The following FBXL17 variants were observed in gnomAD, a reference collection of about 807,000 sequenced individuals.
FBXL17 encodes the protein F-box and leucine rich repeat protein 17.
FBXL17 carries 22 observed loss-of-function variants against 66.2 expected under a neutral mutation model. The ratio of observed to expected loss-of-function variants is 0.33; its 90% confidence interval spans 0.24 to 0.47. The LOEUF is 0.47. Ranked by LOEUF, FBXL17 falls within the 20% of genes least tolerant of loss-of-function variation. The probability of loss-of-function intolerance (pLI) is 1.00; values close to 1 mark genes in which losing one functional copy is unlikely to be tolerated. For missense variants in FBXL17, 878 were observed against 948.2 expected, an observed-to-expected ratio of 0.93 and a Z score of 0.97; for synonymous variants, 474 against 400.5, an observed-to-expected ratio of 1.18 and a Z score of -2.19.
chr5:107,883,950 G>C (rs1192137282), intron 7 of FBXL17, among the ~76,000 whole-genome samples: 1 of 152,178 alleles, frequency 6.6e-6, no homozygotes, highest in East Asian at 1.9e-4. Context: ...CAGCATGTGT[G>C]AAAGTAGAGA....
At chr5:108,039,784 C>A (rs1273925735) in intron 6 of FBXL17, among the ~76,000 whole-genome samples, 1 of 151,980 alleles carries the variant, frequency 6.6e-6, no homozygotes, top group African/African-American at 2.4e-5. Flanking sequence ...CTTAATAAGA[C>A]ATATTTTGTT....
intron 7 of FBXL17, among the ~76,000 whole-genome samples, chr5:107,967,645 C>T (rs566740681): frequency 4.3e-4 from 64 of 150,292 alleles, no homozygotes; most frequent in African/African-American, 1.5e-3. Flanking sequence ...CAAACCTGCA[C>T]ATTATGCACA....
intron 4 of FBXL17, among the ~76,000 whole-genome samples, chr5:108,341,796 T>C (rs972247636): frequency 1.3e-5 from 2 of 152,150 alleles, no homozygotes; most frequent in Non-Finnish European, 2.9e-5. Flanking sequence ...GCATTCCCCA[T>C]ATTTTTCTGA....
chr5:107,967,926 A>G (rs1013857922), intron 7 of FBXL17, among the ~76,000 whole-genome samples: 1 of 152,158 alleles, frequency 6.6e-6, no homozygotes, highest in Non-Finnish European at 1.5e-5. Context: ...ATCTGCTTCA[A>G]TGATAAACTG....
chr5:108,020,947 C>T lies in FBXL17; in HGVS notation c.1800G>A (p.Val600=), dbSNP rs1359566667. The change falls in exon 7 of 9, where the codon GTG becomes GTA. Residue 600 remains valine, a synonymous_variant. Transcript: ENST00000542267. ...TACCATAATCTGTGATTTTACAGGA[C>T]ACCAAATATAGCTCTTTCAGGTTTT... ...EGQNLKELYL[V]SCKITDYALI... 6.2e-7 allele frequency: 1 copy of T among 1,609,858 alleles called. No individual in the cohort carries two copies. The highest frequency in any genetic ancestry group is 8.5e-7 in the Non-Finnish European group (1 of 1,176,822).
chr5:108,008,649 T>C (rs1388456474), intron 7 of FBXL17, among the ~76,000 whole-genome samples: 1 of 152,154 alleles, frequency 6.6e-6, no homozygotes, highest in East Asian at 1.9e-4. Context: ...AGAAATAATT[T>C]AAAGTTTCAA....
chr5:108,024,849 T>C (rs1229399403), intron 6 of FBXL17, among the ~76,000 whole-genome samples: 3 of 152,196 alleles, frequency 2.0e-5, no homozygotes, highest in Non-Finnish European at 4.4e-5. Flanking sequence ...GATAGGATTT[T>C]TTTTCAAAGA....
rs531019106 is a variant in FBXL17 at position 107,927,661 on chromosome 5, C to G, written c.1823-46482G>C. 4.6e-5 allele frequency among the ~76,000 whole-genome samples: 7 copies of G among 152,206 alleles called. No homozygotes were observed. The South Asian group carries it at 1.5e-3, about 32-fold the overall frequency. On this transcript the variant is annotated intron_variant, in intron 7 of 8. Coordinates refer to ENST00000542267, the MANE Select transcript of FBXL17 (RefSeq NM_001163315.3). The stretch of plus-strand genomic sequence containing the variant: ...ATCTATCACAAGATTGTATTTGTCA[C>G]TAGCATAGTAATTTTCTTCCGTAGA...
intron 6 of FBXL17, among the ~76,000 whole-genome samples, chr5:108,055,307 A>ACAAAACAAAAC (rs1747653057): frequency 4.5e-5 from 1 of 22,114 alleles, no homozygotes; most frequent in African/African-American, 2.2e-4. Flanking sequence ...AAAAAAAAAA[A>ACAAAACAAAAC]AAAAAAGAAA....
At chr5:107,959,455 T>C (rs191205014) in intron 7 of FBXL17, among the ~76,000 whole-genome samples, 87 of 151,742 alleles carry the variant, frequency 5.7e-4, no homozygotes, top group African/African-American at 2.0e-3. Context: ...TTTATTTCTG[T>C]ACATATGTTG....
intron 2 of FBXL17, among the ~76,000 whole-genome samples, chr5:108,366,699 C>A (rs1748688522): frequency 6.6e-6 from 1 of 151,930 alleles, no homozygotes; most frequent in African/African-American, 2.4e-5. Context: ...ATTCTACTGC[C>A]CACAACTAAC....
chr5:108,218,423 T>C (rs143923306), intron 5 of FBXL17, among the ~76,000 whole-genome samples: 114 of 152,334 alleles, frequency 7.5e-4, no homozygotes, highest in Non-Finnish European at 1.3e-3. Flanking sequence ...ACTGATTTTA[T>C]ATCCTTTGGA....
At chr5:108,172,895 G>T (rs1752661418) in intron 6 of FBXL17, among the ~76,000 whole-genome samples, 1 of 152,102 alleles carries the variant, frequency 6.6e-6, no homozygotes, top group African/African-American at 2.4e-5. Flanking sequence ...CCACCTCCTG[G>T]GTTCAAGCGA....
chr5:107,979,528 T>A (rs1351737730), intron 7 of FBXL17, among the ~76,000 whole-genome samples: 2 of 152,338 alleles, frequency 1.3e-5, no homozygotes, highest in African/African-American at 4.8e-5. Flanking sequence ...TCCTTGACCC[T>A]TTGGAAAGCT....
chr5:108,083,218 AACACACACACAC>A (rs756726228), intron 6 of FBXL17, among the ~76,000 whole-genome samples: 2 of 144,500 alleles, frequency 1.4e-5, no homozygotes, highest in Non-Finnish European at 1.5e-5. Flanking sequence ...CTCACCTCAG[AACACACACACAC>A]ACACACACAC....
At chr5:108,283,691 T>C (rs1029599861) in intron 4 of FBXL17, among the ~76,000 whole-genome samples, 2 of 151,678 alleles carry the variant, frequency 1.3e-5, no homozygotes, top group Non-Finnish European at 3.0e-5. Context: ...GTGACTTAAT[T>C]AAACTAAAAG....
intron 5 of FBXL17, among the ~76,000 whole-genome samples, chr5:108,213,753 A>G (rs1754478134): frequency 6.6e-6 from 1 of 152,168 alleles, no homozygotes; most frequent in African/African-American, 2.4e-5. Context: ...CCAGCAATCT[A>G]TGGCAAGTGT....
intron 8 of FBXL17, among the ~76,000 whole-genome samples, chr5:107,869,254 C>T (rs1748375525): frequency 6.6e-6 from 1 of 152,146 alleles, no homozygotes; most frequent in African/African-American, 2.4e-5. Context: ...GCCTCTGGAG[C>T]CTGCTTCTCT....
chr5:107,879,153 T>A, intron 8 of FBXL17: 2 of 984,396 alleles, frequency 2.0e-6, no homozygotes, highest in Non-Finnish European at 2.4e-6. Context: ...CTACAGTGTA[T>A]CTCCGAAGAT....
Sources: gnomAD v4.1 joint callset for allele counts (sites outside exome capture counted in the v4.1 genomes callset) on GRCh38, gnomAD v4.1.1 for gene constraint, MANE v1.5 for transcripts, NCBI Gene and HGNC (gene_info 2026-07-23, HGNC 2026-07-21) for gene names.